Variants in RPS6KC1 observed in about 807,000 individuals in gnomAD.
RPS6KC1 encodes the protein ribosomal protein S6 kinase C1, also known as inactive ribosomal protein S6 kinase delta-1.
A neutral mutation model predicts 103.8 loss-of-function variants in RPS6KC1; 54 were observed. The ratio of observed to expected loss-of-function variants is 0.52; its 90% CI spans 0.42 to 0.65. RPS6KC1 has a LOEUF of 0.65. Ranked by LOEUF, RPS6KC1 falls within the 30% of genes least tolerant of loss-of-function variation. The probability of loss-of-function intolerance (pLI) is 0.00; values close to 1 mark genes in which losing one functional copy is unlikely to be tolerated. For missense variants in RPS6KC1, 1,151 were observed against 1,253.8 expected (o/e 0.92, Z 1.24); for synonymous variants, 439 against 438.7 (o/e 1.00, Z -0.01).
intron 8 of RPS6KC1, among the ~76,000 whole-genome samples, chr1:213,214,671 GACAA>G (rs2093611192): frequency 6.6e-6 from 1 of 152,192 alleles, no homozygotes; most frequent in South Asian, 2.1e-4. Flanking sequence ...ACTCCTCTGA[GACAA>G]AACTTCCAGA....
At chr1:213,521,149 A>G in the RPS6KC1 span, among the ~76,000 whole-genome samples, 1 of 152,124 alleles carries the variant, frequency 6.6e-6, no homozygotes, top group South Asian at 2.1e-4. Context: ...ATCCTTTAAC[A>G]ACTGAATACT....
the RPS6KC1 span, among the ~76,000 whole-genome samples, chr1:213,434,135 G>T: frequency 4.2e-5 from 6 of 144,268 alleles, no homozygotes; most frequent in East Asian, 2.0e-4. Flanking sequence ...TTACTCATTT[G>T]GTTAACATTT....
chr1:213,134,248 CTTGATG>C (rs915683432), intron 6 of RPS6KC1, among the ~76,000 whole-genome samples: 11 of 152,010 alleles, frequency 7.2e-5, no homozygotes, highest in Non-Finnish European at 1.0e-4. Context: ...TTTCACTTAA[CTTGATG>C]TTGATGCCAC....
chr1:213,158,018 C>T (rs2090087688), intron 6 of RPS6KC1, among the ~76,000 whole-genome samples: 2 of 151,948 alleles, frequency 1.3e-5, no homozygotes, highest in Non-Finnish European at 2.9e-5. Flanking sequence ...GGTATGTTTC[C>T]ATTTTTTTAT....
chr1:213,247,102 A>G (rs2094466167), intron 12 of RPS6KC1, among the ~76,000 whole-genome samples: 1 of 152,128 alleles, frequency 6.6e-6, no homozygotes, highest in Non-Finnish European at 1.5e-5. Flanking sequence ...TGAAATTTAC[A>G]TTGATATTTG....
intron 1 of RPS6KC1, among the ~76,000 whole-genome samples, chr1:213,062,931 G>A (rs1193367759): frequency 6.6e-6 from 1 of 152,178 alleles, no homozygotes; most frequent in Admixed American, 6.5e-5. Flanking sequence ...TTAGCATACT[G>A]GAAAGGATTT....
chr1:213,753,076 A>T, the RPS6KC1 span, among the ~76,000 whole-genome samples: 1 of 152,162 alleles, frequency 6.6e-6, no homozygotes, highest in African/African-American at 2.4e-5. Flanking sequence ...GTTAATGTCG[A>T]TGCTAGTATG....
At chr1:213,125,305 C>A (rs1166129398) in intron 5 of RPS6KC1, among the ~76,000 whole-genome samples, 1 of 152,012 alleles carries the variant, frequency 6.6e-6, no homozygotes, top group African/African-American at 2.4e-5. Flanking sequence ...GACACTTTAG[C>A]ATTAAATATT....
intron 4 of RPS6KC1, among the ~76,000 whole-genome samples, chr1:213,110,946 A>ATT (rs397961063): frequency 0.01 from 1,484 of 143,112 alleles, 29 homozygotes; most frequent in African/African-American, 0.035. Context: ...TTTGGGGTGG[A>ATT]TTTTTTTTTT....
the RPS6KC1 span, among the ~76,000 whole-genome samples, chr1:213,595,255 C>T: frequency 1.3e-5 from 2 of 152,164 alleles, no homozygotes; most frequent in Non-Finnish European, 2.9e-5. Flanking sequence ...GACACAGGCT[C>T]ATGGGTCAAA....
chr1:213,839,686 T>A, the RPS6KC1 span: 1 of 152,102 alleles, frequency 6.6e-6, no homozygotes, highest in South Asian at 2.1e-4. Flanking sequence ...TACCATACAG[T>A]ATGGGCTTTG....
At chr1:213,363,687 T>G in the RPS6KC1 span, among the ~76,000 whole-genome samples, 496 of 86,540 alleles carry the variant, frequency 5.7e-3, 34 homozygotes, top group African/African-American at 0.013. Context: ...TCTTTCTTTC[T>G]TTCTTTCTTT....
At chr1:213,568,299 A>G in the RPS6KC1 span, among the ~76,000 whole-genome samples, 1 of 152,206 alleles carries the variant, frequency 6.6e-6, no homozygotes, top group African/African-American at 2.4e-5. Flanking sequence ...TTTGCTCTAC[A>G]GATCGCTCTG....
At chr1:213,352,429 T>C in the RPS6KC1 span, among the ~76,000 whole-genome samples, 2 of 152,212 alleles carry the variant, frequency 1.3e-5, no homozygotes, top group African/African-American at 2.4e-5. Flanking sequence ...ATTTATCCTC[T>C]AAATTTTGTG....
In RPS6KC1 at chr1:213,134,022, C is replaced by G. The variant is rs999193249; in HGVS notation, c.835+4133C>G. The stretch of plus-strand genomic sequence containing the variant: ...TCAGCCATCTATTCATCTAGTTGAT[C>G]TTTCAACAAGCATTTATTTCTTGTA... On this transcript the variant is annotated intron_variant, in intron 6 of 14. Transcript: ENST00000366960. Among the ~76,000 whole-genome samples the G allele has an allele frequency of 3.3e-5, 5 of 151,962 alleles. No homozygotes were observed. In the South Asian group the frequency reaches 1.0e-3, roughly 32 times the overall value.
the RPS6KC1 span, among the ~76,000 whole-genome samples, chr1:213,281,012 A>G: frequency 0.011 from 1,675 of 152,182 alleles, 33 homozygotes; most frequent in African/African-American, 0.038. Flanking sequence ...CCCACTAAAT[A>G]TCCTTCCCCT....
chr1:213,511,222 C>T, the RPS6KC1 span, among the ~76,000 whole-genome samples: 1 of 151,260 alleles, frequency 6.6e-6, no homozygotes, highest in East Asian at 1.9e-4. Context: ...ACTAGCCTGA[C>T]ACAAAGACCA....
At chr1:213,557,266 A>G in the RPS6KC1 span, among the ~76,000 whole-genome samples, 4 of 152,192 alleles carry the variant, frequency 2.6e-5, no homozygotes, top group East Asian at 1.9e-4. Context: ...CTCTGAGTTC[A>G]TCAACCCAGA....
At chr1:213,090,084 T>C (rs955762850) in intron 3 of RPS6KC1, among the ~76,000 whole-genome samples, 2 of 152,182 alleles carry the variant, frequency 1.3e-5, no homozygotes, top group Admixed American at 6.5e-5. Flanking sequence ...GTTGAAGAAG[T>C]GAGCATTAGG....
Sources: allele counts gnomAD v4.1 joint callset (sites outside exome capture counted in the v4.1 genomes callset), GRCh38; gene constraint gnomAD v4.1.1; transcripts MANE v1.5; gene names NCBI Gene and HGNC (gene_info 2026-07-23, HGNC 2026-07-21).